The following ARHGEF33 variants were observed in gnomAD, a reference collection of about 807,000 sequenced individuals.
The protein encoded by ARHGEF33 is Rho guanine nucleotide exchange factor 33, also known as DH and coiled-coil domain-containing protein ENSP00000381780.
A neutral mutation model predicts 101.9 loss-of-function variants in ARHGEF33; 72 were observed. The observed-to-expected ratio is 0.71, with a 90% CI of 0.58 to 0.86. The LOEUF is 0.86. Among genes scored for constraint, ARHGEF33 ranks in the 40% least tolerant of loss-of-function variants. The probability of loss-of-function intolerance (pLI) is 0.00; values close to 1 mark genes in which losing one functional copy is unlikely to be tolerated. For missense variants in ARHGEF33, 1,169 were observed against 1,111.3 expected (o/e 1.05, Z -0.74); for synonymous variants, 499 against 442.5 (o/e 1.13, Z -1.60).
intron 7 of ARHGEF33, 92 bp from the exon 8 acceptor site, chr2:38,935,681 ATC>A (rs1399975466): frequency 1.0e-5 from 10 of 958,640 alleles, no homozygotes; most frequent in Non-Finnish European, 1.6e-5. Context: ...TGAAACTACA[ATC>A]TCTGAGTCTG....
intron 1 of ARHGEF33, among the ~76,000 whole-genome samples, chr2:38,894,749 A>G (rs1161259699): frequency 6.6e-6 from 1 of 152,178 alleles, no homozygotes; most frequent in Non-Finnish European, 1.5e-5. Context: ...CTTGTATTGC[A>G]TGGGTAGAAA....
chr2:38,953,463 T>C (rs776004255), intron 12 of ARHGEF33, among the ~76,000 whole-genome samples: 9 of 152,224 alleles, frequency 5.9e-5, no homozygotes, highest in Non-Finnish European at 1.3e-4. Flanking sequence ...CTCTGTTCCA[T>C]TCCATTGGAA....
At chr2:38,966,629 T>C (rs969459227) in intron 17 of ARHGEF33, among the ~76,000 whole-genome samples, 4 of 152,220 alleles carry the variant, frequency 2.6e-5, no homozygotes, top group African/African-American at 9.7e-5. Flanking sequence ...CTGTTAGTGC[T>C]TTCCCTGAAT....
chr2:38,906,256 G>A (rs1407177404), intron 2 of ARHGEF33, among the ~76,000 whole-genome samples: 1 of 151,958 alleles, frequency 6.6e-6, no homozygotes, highest in African/African-American at 2.4e-5. Flanking sequence ...TGGGACAAAG[G>A]AGAAGTATGT....
At position 38,960,342 on chromosome 2, in the gene ARHGEF33, C is replaced by G. The variant is rs932964738; in HGVS notation, c.2037C>G (p.Ser679Arg). Residue 679 changes from serine to arginine, a missense_variant, in exon 16 of 18, where the codon AGC (serine) becomes AGG (arginine). By Grantham distance (110) the Ser-to-Arg change is moderately radical. Coordinates refer to ENST00000409978, the MANE Select transcript of ARHGEF33 (RefSeq NM_001145451.5). ...PEHPLQPLPK[S>R]ATSPAGSSSA... Reference sequence around the variant, plus strand: ...ACCCGCTGCAGCCGCTGCCCAAGAGCGCTACGTCGCCGGCGGGCAGCAGCA... The same window carrying G: ...ACCCGCTGCAGCCGCTGCCCAAGAGGGCTACGTCGCCGGCGGGCAGCAGCA... 2.6e-6 allele frequency: 4 copies of G among 1,535,160 alleles called. No individual in the cohort carries two copies. The highest frequency in any genetic ancestry group is 3.5e-6 in the Non-Finnish European group (4 of 1,143,920).
chr2:38,958,304 C>G, intron 15 of ARHGEF33, 106 bp downstream of exon 15: 1 of 1,412,248 alleles, frequency 7.1e-7, no homozygotes, highest in Non-Finnish European at 9.5e-7. Context: ...CTTTCCCCAT[C>G]AGGCCTATAT....
chr2:38,901,062 C>T (rs777341893), intron 2 of ARHGEF33, among the ~76,000 whole-genome samples: 1 of 152,130 alleles, frequency 6.6e-6, no homozygotes, highest in Non-Finnish European at 1.5e-5. Context: ...CTACTCAAGC[C>T]TGCATTTAGG....
At chr2:38,899,898 G>A (rs959169493) in intron 2 of ARHGEF33, among the ~76,000 whole-genome samples, 13 of 152,092 alleles carry the variant, frequency 8.5e-5, no homozygotes, top group Admixed American at 2.6e-4. Flanking sequence ...ATATGAATAT[G>A]AAATGGTCAG....
chr2:38,944,101 C>T, intron 10 of ARHGEF33, 71 bp downstream of exon 10: 1 of 1,465,042 alleles, frequency 6.8e-7, no homozygotes, highest in South Asian at 1.4e-5. Flanking sequence ...ATTGTTTCCA[C>T]TTTGGGATTT....
At chr2:38,898,538 G>T (rs1265983131) in intron 2 of ARHGEF33, among the ~76,000 whole-genome samples, 1 of 152,080 alleles carries the variant, frequency 6.6e-6, no homozygotes, top group African/African-American at 2.4e-5. Context: ...CAGTGGGTCA[G>T]GTTTTTAACA....
Position 38,950,998 on chromosome 2 carries a change from T to G in ARHGEF33, c.930T>G (p.Pro310=). The part of the protein sequence containing the change: ...KRNSKERSLF[P]GSLRYLVQQH... The stretch of plus-strand genomic sequence containing the variant: ...TCTATTCTGTTTCAAGCCTCTTCCC[T>G]GGCTCTTTACGGTACCTCGTCCAGC... The change falls in exon 11 of 18, where the codon CCT becomes CCG. Residue 310 remains proline, a synonymous_variant. Coordinates refer to ENST00000409978, the MANE Select transcript of ARHGEF33 (RefSeq NM_001145451.5). 6.4e-7 allele frequency: 1 copy of G among 1,552,260 alleles called. No homozygotes were observed. The highest frequency in any genetic ancestry group is 8.7e-7 in the Non-Finnish European group (1 of 1,147,096).
At chr2:38,938,885 A>G (rs551996222) in intron 9 of ARHGEF33, among the ~76,000 whole-genome samples, 32 of 152,220 alleles carry the variant, frequency 2.1e-4, no homozygotes, top group Admixed American at 3.9e-4. Context: ...TTTAAAAAAG[A>G]TTTATGCATA....
At chr2:38,890,968 G>GTTTTTTTTTTTTTTTTTTTTTTTTTT in intron 1 of ARHGEF33, among the ~76,000 whole-genome samples, 1 of 145,012 alleles carries the variant, frequency 6.9e-6, no homozygotes, top group Non-Finnish European at 1.5e-5. Flanking sequence ...CATACTATTG[G>GTTTTTTTTTTTTTTTTTTTTTTTTTT]TTTTTTTTTT....
chr2:38,906,978 G>A (rs1666406375), intron 2 of ARHGEF33, among the ~76,000 whole-genome samples: 1 of 152,034 alleles, frequency 6.6e-6, no homozygotes. Flanking sequence ...TGGTTTAGGT[G>A]AGGAGAGTTG....
In ARHGEF33 at chr2:38,960,401, A is replaced by G. The variant is rs1667893495; in HGVS notation, c.2096A>G (p.His699Arg). The G allele has an allele frequency of 2.7e-6, 4 of 1,509,104 alleles. No homozygotes were observed. In the Admixed American group the frequency reaches 8.4e-5, roughly 32 times the overall value. 93.5% of individuals were successfully genotyped at this position (1,509,104 alleles called of 1,614,324 possible). Residue 699 changes from histidine (H) to arginine (R), a missense_variant, in exon 16 of 18, where the codon CAC becomes CGC. By Grantham distance (29) the His-to-Arg change is conservative (BLOSUM62 0). Coordinates refer to ENST00000409978, the MANE Select transcript of ARHGEF33 (RefSeq NM_001145451.5). ...AYKLEAAAQA[H>R]GKAKPLSRSL... ...AAACTGGAGGCGGCGGCGCAGGCGC[A>G]CGGCAAGGCCAAGCCGCTGAGCCGC... is the stretch of plus-strand genomic sequence containing the variant.
intron 17 of ARHGEF33, among the ~76,000 whole-genome samples, chr2:38,972,607 T>G (rs1340501397): frequency 6.6e-6 from 1 of 152,238 alleles, no homozygotes; most frequent in Non-Finnish European, 1.5e-5. Flanking sequence ...TTAGTCTTTG[T>G]GGATCCAACT....
chr2:38,890,866 A>T (rs1665980824), intron 1 of ARHGEF33, among the ~76,000 whole-genome samples: 1 of 152,128 alleles, frequency 6.6e-6, no homozygotes, highest in Admixed American at 6.5e-5. Context: ...CACAAACTGA[A>T]TTAATTAATG....
At chr2:38,959,169 C>A (rs1367710166) in intron 15 of ARHGEF33, 1 of 152,206 alleles carries the variant, frequency 6.6e-6, no homozygotes, top group African/African-American at 2.4e-5. Context: ...TGTAAATTAT[C>A]CATTACCCAT....
chr2:38,918,592 G>A (rs768003118), intron 2 of ARHGEF33, among the ~76,000 whole-genome samples: 9 of 152,194 alleles, frequency 5.9e-5, no homozygotes, highest in Non-Finnish European at 8.8e-5. Context: ...TCTAATGGTC[G>A]TGTCAGACAC....
Sources: gnomAD v4.1 joint callset for allele counts (sites outside exome capture counted in the v4.1 genomes callset) on GRCh38, gnomAD v4.1.1 for gene constraint, MANE v1.5 for transcripts, NCBI Gene and HGNC (gene_info 2026-07-23, HGNC 2026-07-21) for gene names.